The following SV2B variants were observed in gnomAD, a reference collection of about 807,000 sequenced individuals.
SV2B encodes synaptic vesicle glycoprotein 2B, also known as solute carrier family 22 member B2.
In SV2B, 41 loss-of-function variants were observed where a neutral mutation model predicts 73.9. The ratio of observed to expected loss-of-function variants is 0.56; its 90% CI spans 0.43 to 0.72. The LOEUF (loss-of-function observed/expected upper bound fraction) is 0.72. Ranked by LOEUF, SV2B falls within the 30% of genes least tolerant of loss-of-function variation. The pLI is 0.00. For synonymous variants in SV2B, 314 were observed against 314.2 expected (o/e 1.00, Z 0.01); for missense variants, 764 against 857.8 (o/e 0.89, Z 1.37).
chr15:91,274,954 G>A (rs545974073), intron 9 of SV2B, among the ~76,000 whole-genome samples: 1 of 151,888 alleles, frequency 6.6e-6, no homozygotes, highest in African/African-American at 2.4e-5. Context: ...TAAATCTCCA[G>A]CATCTTTCTG....
intron 1 of SV2B, among the ~76,000 whole-genome samples, chr15:91,169,623 G>A (rs1229965542): frequency 1.3e-5 from 2 of 152,196 alleles, no homozygotes; most frequent in African/African-American, 4.8e-5. Context: ...AAAAGCAGGC[G>A]AGACCCTAGC....
In SV2B at chr15:91,261,650, A is replaced by G. The variant is rs2047913492; in HGVS notation, c.1008+1241A>G. Among the ~76,000 whole-genome samples, 1 of 152,202 alleles carries G rather than the reference A, an allele frequency of 6.6e-6. No homozygotes were observed. Among genetic ancestry groups the G allele is most frequent in the East Asian group, 1.9e-4 (1 of 5,200 alleles). The stretch of plus-strand genomic sequence containing the variant: ...CTCTTGAGATACATTGCCAAATCAT[A>G]ATACATTTCAACTGGGTTGTACCAA... On this transcript the variant is annotated intron_variant, in intron 6 of 12. Coordinates refer to ENST00000394232, the MANE Select transcript of SV2B (RefSeq NM_001323032.3). The surrounding 1 kb of genome is among the most constrained non-coding windows in gnomAD (Gnocchi z 4.7).
chr15:91,217,124 G>T (rs775839301), intron 1 of SV2B, among the ~76,000 whole-genome samples: 2 of 152,122 alleles, frequency 1.3e-5, no homozygotes, highest in African/African-American at 2.4e-5. Context: ...TGATCTGCCC[G>T]CCTCAGCATC....
rs2042692379 is a variant in SV2B, at chr15:91,132,704, G to A, written c.-392+32341G>A. 6.6e-6 allele frequency among the ~76,000 whole-genome samples: 1 copy of A among 152,126 alleles called. No individual in the cohort carries two copies. Among genetic ancestry groups the A allele is most frequent in the South Asian group, 2.1e-4 (1 of 4,834 alleles). On this transcript the variant is annotated intron_variant, in intron 1 of 12. Transcript: ENST00000394232. This position sits in a 1 kb window ranked among gnomAD's most constrained non-coding sequence, Gnocchi z 4.6. ...TCCAGACCCTATTTCTCCTGCCTCA[G>A]TGGCACATGCCTGTAGTCCCAGCTA...
rs2046786203 is a variant in SV2B, at chr15:91,236,482, A to C, written c.451+9768A>C. 6.6e-6 allele frequency among the ~76,000 whole-genome samples: 1 copy of C among 152,200 alleles called. No homozygotes were observed. Among genetic ancestry groups the C allele is most frequent in the East Asian group, 1.9e-4 (1 of 5,190 alleles). ...AATTCTTAAGTAAACTGGCATATTT[A>C]CTGAGAATGGAGGTGGAAGTTGCAG... On this transcript the variant is annotated intron_variant, in intron 2 of 12. Transcript: ENST00000394232. The surrounding 1 kb of genome is among the most constrained non-coding windows in gnomAD (Gnocchi z 4.1).
intron 1 of SV2B, among the ~76,000 whole-genome samples, chr15:91,189,971 G>C (rs1173349961): frequency 6.6e-6 from 1 of 151,928 alleles, no homozygotes; most frequent in African/African-American, 2.4e-5. Context: ...CTGGGCGACA[G>C]AGCGAGACGC....
chr15:91,286,280 G>A lies in SV2B; in HGVS notation c.1708+2059G>A, dbSNP rs368471870. Among the ~76,000 whole-genome samples the A allele has an allele frequency of 6.6e-5, 10 of 152,112 alleles. No homozygotes were observed. In the East Asian group the frequency reaches 1.9e-3, roughly 29 times the overall value. The stretch of plus-strand genomic sequence containing the variant: ...GATGTGGCGGAACCACTTTGAAATA[G>A]CCCTATCCCCACCTCTCAGACCAAC... On this transcript the variant is annotated intron_variant, in intron 11 of 12. Coordinates refer to ENST00000394232, the MANE Select transcript of SV2B (RefSeq NM_001323032.3).
At chr15:91,126,184 TC>T (rs1400623621) in intron 1 of SV2B, among the ~76,000 whole-genome samples, 1 of 152,166 alleles carries the variant, frequency 6.6e-6, no homozygotes, top group Non-Finnish European at 1.5e-5. Context: ...GTATGAGGGT[TC>T]CTTTGGCAAG....
chr15:91,252,580 A>C lies in SV2B; in HGVS notation c.784+60A>C. ...GTTTCTATGGCTCCTGCACCCAAAC[A>C]ATAGTTCCTGTCCTCAGCCTTATTC... On this transcript the variant is annotated intron_variant, in intron 4 of 12. Coordinates refer to ENST00000394232, the MANE Select transcript of SV2B (RefSeq NM_001323032.3). This position sits in a 1 kb window ranked among gnomAD's most constrained non-coding sequence, Gnocchi z 4.6. The C allele has an allele frequency of 1.3e-6, 2 of 1,505,080 alleles. No individual in the cohort carries two copies. The highest frequency in any genetic ancestry group is 8.9e-7 in the Non-Finnish European group (1 of 1,125,710). The allele number at this position is 1,505,080 out of a possible 1,614,324, so 93.2% of individuals were successfully genotyped here.
rs1490649724 is a variant in SV2B at position 91,140,502 on chromosome 15, T to A, written c.-392+40139T>A. On this transcript the variant is annotated intron_variant, in intron 1 of 12. Transcript: ENST00000394232. This position sits in a 1 kb window ranked among gnomAD's most constrained non-coding sequence, Gnocchi z 4.4. ...ATTCGTGGAGTTCCTCCAAATGAAC[T>A]TCCCACACACTTCTGGCTGAAACTG... 6.6e-6 allele frequency among the ~76,000 whole-genome samples: 1 copy of A among 152,204 alleles called. No homozygotes were observed. The highest frequency in any genetic ancestry group is 2.4e-5 in the African/African-American group (1 of 41,454).
chr15:91,219,974 A>G (rs2046163055), intron 1 of SV2B, among the ~76,000 whole-genome samples: 1 of 152,168 alleles, frequency 6.6e-6, no homozygotes, highest in African/African-American at 2.4e-5. Context: ...TTTATTGCTA[A>G]TCAGTGTTTC....
intron 4 of SV2B, among the ~76,000 whole-genome samples, chr15:91,257,056 G>A (rs538339847): frequency 6.6e-6 from 1 of 152,236 alleles, no homozygotes; most frequent in East Asian, 1.9e-4. Context: ...AATACCATTT[G>A]AATTGTCTTC....
chr15:91,200,419 C>A (rs1356944081), intron 1 of SV2B, among the ~76,000 whole-genome samples: 1 of 152,140 alleles, frequency 6.6e-6, no homozygotes, highest in African/African-American at 2.4e-5. Flanking sequence ...TTTTTGAATG[C>A]ATTTACCTGG....
intron 2 of SV2B, among the ~76,000 whole-genome samples, chr15:91,230,099 G>C (rs1195712153): frequency 6.6e-6 from 1 of 152,110 alleles, no homozygotes; most frequent in African/African-American, 2.4e-5. Flanking sequence ...AAATTAGCCA[G>C]ATATGGTGGT....
At position 91,129,271 on chromosome 15, in the gene SV2B, GA is replaced by G. The variant is rs1297371039; in HGVS notation, c.-392+28910del. On this transcript the variant is annotated intron_variant, in intron 1 of 12. Transcript: ENST00000394232. The surrounding 1 kb of genome is among the most constrained non-coding windows in gnomAD (Gnocchi z 5.1). The stretch of plus-strand genomic sequence containing the variant: ...TAAGAAAGTTAGAGTCAAGTGGGTT[GA>G]ATACATGTGCATTTGCATGTATTTG... 2.0e-5 allele frequency among the ~76,000 whole-genome samples: 3 copies of G among 152,220 alleles called. No individual in the cohort carries two copies. The highest frequency in any genetic ancestry group is 4.4e-5 in the Non-Finnish European group (3 of 68,050).
At chr15:91,194,762 G>T (rs778962521) in intron 1 of SV2B, among the ~76,000 whole-genome samples, 1 of 152,202 alleles carries the variant, frequency 6.6e-6, no homozygotes. Context: ...GTTACTCCTT[G>T]TGGTGGGCTG....
In SV2B at chr15:91,234,889, C is replaced by T. The variant is rs188888121; in HGVS notation, c.451+8175C>T. On this transcript the variant is annotated intron_variant, in intron 2 of 12. Transcript: ENST00000394232. This position sits in a 1 kb window ranked among gnomAD's most constrained non-coding sequence, Gnocchi z 5.6. ...TTTGAAGATACTTGCTCTGAACTGACACTAATTCCAAGAGACTGAAAACGT... is the reference window on the plus strand; with the variant it reads ...TTTGAAGATACTTGCTCTGAACTGATACTAATTCCAAGAGACTGAAAACGT... Among the ~76,000 whole-genome samples the T allele has an allele frequency of 2.1e-4, 32 of 152,316 alleles. No individual in the cohort carries two copies. Among genetic ancestry groups the T allele is most frequent in the African/African-American group, 7.0e-4 (29 of 41,564 alleles).
intron 12 of SV2B, among the ~76,000 whole-genome samples, chr15:91,291,230 G>GC (rs952363397): frequency 1.0e-4 from 15 of 150,582 alleles, no homozygotes; most frequent in African/African-American, 3.7e-4. Context: ...AATTCAACAA[G>GC]TTTTTTTTCC....
intron 1 of SV2B, among the ~76,000 whole-genome samples, chr15:91,190,443 G>A (rs1190328474): frequency 1.3e-5 from 2 of 151,544 alleles, no homozygotes; most frequent in African/African-American, 4.8e-5. Context: ...GTTCATGATC[G>A]TAAAGTGAAT....
Sources: gnomAD v4.1 joint callset for allele counts (sites outside exome capture counted in the v4.1 genomes callset) on GRCh38, gnomAD v4.1.1 for gene constraint, Gnocchi (gnomAD v3.1) non-coding constraint, MANE v1.5 for transcripts, NCBI Gene and HGNC (gene_info 2026-07-23, HGNC 2026-07-21) for gene names.